DOCK4: variants seen among roughly 807,000 people sequenced by gnomAD.
The protein encoded by DOCK4 is dedicator of cytokinesis protein 4.
Under a neutral mutation model 268.1 loss-of-function variants are expected in DOCK4, and 97 were observed. The ratio of observed to expected loss-of-function variants is 0.36; its 90% CI spans 0.31 to 0.43. DOCK4 has a LOEUF of 0.43. Among genes scored for constraint, DOCK4 ranks in the 20% least tolerant of loss-of-function variants. The probability of loss-of-function intolerance (pLI) is 1.00; values close to 1 mark genes in which losing one functional copy is unlikely to be tolerated. For missense variants in DOCK4, 2,145 were observed against 2,455.7 expected (o/e 0.87, Z 2.67); for synonymous variants, 954 against 887.2 (o/e 1.08, Z -1.34).
intron 1 of DOCK4, among the ~76,000 whole-genome samples, chr7:112,193,463 G>A (rs1384314444): frequency 1.3e-5 from 2 of 151,990 alleles, no homozygotes; most frequent in East Asian, 3.9e-4. Flanking sequence ...GCCAGGTGTG[G>A]TGGTGCATGC....
chr7:111,945,941 A>G, intron 8 of DOCK4, 143 bp from the exon 9 acceptor site: 1 of 627,774 alleles, frequency 1.6e-6, no homozygotes, highest in Non-Finnish European at 2.7e-6. Flanking sequence ...AAATTAGGAG[A>G]GCTCCGAAGA....
intron 1 of DOCK4, among the ~76,000 whole-genome samples, chr7:112,018,690 C>G (rs1285099917): frequency 6.6e-6 from 1 of 151,952 alleles, no homozygotes; most frequent in African/African-American, 2.4e-5. Flanking sequence ...CTACATCCCC[C>G]TCCCCCACCC....
rs1394351142 is a variant in DOCK4 at position 111,728,022 on chromosome 7, G to C, written c.*252C>G. On this transcript the variant is annotated 3_prime_UTR_variant, in exon 53 of 53. Transcript: ENST00000428084. The stretch of plus-strand genomic sequence containing the variant: ...GTGAACATAAAAAGGTACAAAAGGA[G>C]TCTTTATCACTATTTACCACTTCCA... The C allele has an allele frequency of 2.6e-6, 1 of 385,988 alleles. No homozygotes were observed. Among genetic ancestry groups the C allele is most frequent in the Admixed American group, 4.4e-5 (1 of 22,642 alleles). 23.9% of individuals were successfully genotyped at this position (385,988 alleles called of 1,614,324 possible).
chr7:111,741,602 C>A lies in DOCK4; in HGVS notation c.4857G>T (p.Val1619=), dbSNP rs771910846. 1.2e-6 allele frequency: 2 copies of A among 1,613,622 alleles called. No homozygotes were observed. Among genetic ancestry groups the A allele is most frequent in the Admixed American group, 1.7e-5 (1 of 59,984 alleles). Residue 1619 remains valine (V), a synonymous_variant, in exon 46 of 53, where the codon GTG becomes GTT. Coordinates refer to ENST00000428084, the MANE Select transcript of DOCK4 (RefSeq NM_001363540.2). The part of the protein sequence containing the change: ...PVHFPNGSPR[V]CRNSAPASVS... ...CAGAAGCAGGTGCTGAGTTTCTACA[C>A]ACACGAGGGCTTCCATTAGGAAAAT...
At position 111,746,814 on chromosome 7, in the gene DOCK4, CTTTTT is replaced by C. The variant is rs59197701; in HGVS notation, c.4594-402_4594-398del. Among the ~76,000 whole-genome samples, 333 of 110,902 alleles carry C rather than the reference CTTTTT, an allele frequency of 3.0e-3. 2 individuals carry two copies. The highest frequency in any genetic ancestry group is 5.1e-3 in the Middle Eastern group (1 of 198). 72.8% of individuals were successfully genotyped at this position (110,902 alleles called of 152,430 possible). A position where few individuals can be genotyped will look rare whatever the true frequency, so the allele number is the denominator to read the frequency against. ...ATCATCTAAGCAAGATCGGTCTTAT[CTTTTT>C]TTTTTTTTTTTTTTTTTTTTTTAAA... On this transcript the variant is annotated intron_variant, in intron 43 of 52. Coordinates refer to ENST00000428084, the MANE Select transcript of DOCK4 (RefSeq NM_001363540.2).
intron 1 of DOCK4, among the ~76,000 whole-genome samples, chr7:112,202,147 C>T (rs1218676853): frequency 6.6e-6 from 1 of 152,172 alleles, no homozygotes. Flanking sequence ...CTTCAATGAA[C>T]ATGGGATAGC....
intron 1 of DOCK4, among the ~76,000 whole-genome samples, chr7:112,119,159 C>T (rs551022948): frequency 7.9e-5 from 12 of 152,248 alleles, no homozygotes; most frequent in Admixed American, 5.9e-4. Context: ...GAAGGACTCA[C>T]TCTCCAAGAC....
chr7:111,783,742 G>T (rs1798955536), intron 34 of DOCK4, 115 bp downstream of exon 34: 3 of 917,508 alleles, frequency 3.3e-6, no homozygotes, highest in Admixed American at 2.3e-5. Flanking sequence ...AGGTTCCATG[G>T]TCTGATAATC....
chr7:111,763,095 AATCCCTACTTAG>A (rs147652812), intron 39 of DOCK4, among the ~76,000 whole-genome samples: 2,471 of 151,452 alleles, frequency 0.016, 59 homozygotes, highest in African/African-American at 0.055. Flanking sequence ...TGAGGGGAAA[AATCCCTACTTAG>A]ATCATAAAAG....
rs542432704 is a variant in DOCK4, at chr7:112,155,170, T to C, written c.37+50932A>G. On this transcript the variant is annotated intron_variant, in intron 1 of 52. Coordinates refer to ENST00000428084, the MANE Select transcript of DOCK4 (RefSeq NM_001363540.2). ...CGCTTTTTCTTTTATGTGACACTGT[T>C]TAACCGTCAAAATGACCTGTTTTCC... 3.3e-5 allele frequency among the ~76,000 whole-genome samples: 5 copies of C among 152,198 alleles called. No homozygotes were observed. In the South Asian group the frequency reaches 1.0e-3, roughly 31 times the overall value.
chr7:112,105,043 A>C (rs561317392), intron 1 of DOCK4, among the ~76,000 whole-genome samples: 3 of 152,184 alleles, frequency 2.0e-5, no homozygotes, highest in Non-Finnish European at 4.4e-5. Context: ...GATCATAAAA[A>C]ACAGGAAGAT....
chr7:112,197,784 T>C (rs529079528), intron 1 of DOCK4, among the ~76,000 whole-genome samples: 40 of 152,216 alleles, frequency 2.6e-4, no homozygotes, highest in African/African-American at 9.6e-4. Flanking sequence ...TACTTCAGCC[T>C]TCACTCCTAA....
intron 1 of DOCK4, among the ~76,000 whole-genome samples, chr7:112,112,571 G>T (rs1167693970): frequency 6.6e-6 from 1 of 151,960 alleles, no homozygotes; most frequent in Non-Finnish European, 1.5e-5. Flanking sequence ...TGGAACCCAG[G>T]AGGTGAAGGT....
At chr7:112,007,898 A>G (rs1483183692) in intron 1 of DOCK4, among the ~76,000 whole-genome samples, 1 of 152,206 alleles carries the variant, frequency 6.6e-6, no homozygotes, top group East Asian at 1.9e-4. Flanking sequence ...AAATACATCT[A>G]TAATTGAAAA....
intron 11 of DOCK4, 63 bp from the exon 12 acceptor site, chr7:111,935,691 T>C (rs1794686822): frequency 7.9e-6 from 11 of 1,398,754 alleles, no homozygotes; most frequent in Middle Eastern, 3.6e-4. Context: ...GTGATCCTCA[T>C]AGTACATCTG....
At position 112,153,229 on chromosome 7, in the gene DOCK4, T is replaced by C. The variant is rs191382683; in HGVS notation, c.37+52873A>G. On this transcript the variant is annotated intron_variant, in intron 1 of 52. Coordinates refer to ENST00000428084, the MANE Select transcript of DOCK4 (RefSeq NM_001363540.2). ...TCTTTATGACAAAGAAAAACCAGTG[T>C]AAATTAATCAAAGAACACCATTGTA... is the stretch of plus-strand genomic sequence containing the variant. Among the ~76,000 whole-genome samples, 808 of 152,292 alleles carry C rather than the reference T, an allele frequency of 5.3e-3. 8 individuals carry two copies. The highest frequency in any genetic ancestry group is 0.019 in the African/African-American group (772 of 41,566).
rs188656351 is a variant in DOCK4 at position 111,828,922 on chromosome 7, T to C, written c.2835+5666A>G. 2.5e-3 allele frequency among the ~76,000 whole-genome samples: 371 copies of C among 150,708 alleles called. 4 individuals are homozygous for C. The highest frequency in any genetic ancestry group is 0.022 in the South Asian group (107 of 4,790). On this transcript the variant is annotated intron_variant, in intron 26 of 52. Coordinates refer to ENST00000428084, the MANE Select transcript of DOCK4 (RefSeq NM_001363540.2). ...TATATATATATGTATATATATAGTA[T>C]ACAAAATCATCTACAAGGTTACACC... is the stretch of plus-strand genomic sequence containing the variant.
chr7:111,821,166 G>A (rs1338395359), intron 27 of DOCK4: 1 of 152,148 alleles, frequency 6.6e-6, no homozygotes, highest in Non-Finnish European at 1.5e-5. Context: ...AATGTATACT[G>A]CAGCAGAAGC....
chr7:111,778,664 T>C, intron 35 of DOCK4, among the ~76,000 whole-genome samples: 1 of 152,212 alleles, frequency 6.6e-6, no homozygotes, highest in East Asian at 1.9e-4. Flanking sequence ...TAAAAAATAT[T>C]AAAAATACGT....
Sources: allele counts gnomAD v4.1 joint callset (sites outside exome capture counted in the v4.1 genomes callset), GRCh38; gene constraint gnomAD v4.1.1; transcripts MANE v1.5; gene names NCBI Gene and HGNC (gene_info 2026-07-23, HGNC 2026-07-21).